Variants in GBE1 observed in about 807,000 individuals in gnomAD.
GBE1 encodes the protein 1,4-alpha-glucan-branching enzyme.
A neutral mutation model predicts 88.8 loss-of-function variants in GBE1; 70 were observed. The observed-to-expected ratio is 0.79, with a 90% CI of 0.65 to 0.96. The LOEUF (loss-of-function observed/expected upper bound fraction) is 0.96, where lower values mean the gene tolerates loss of function less well. GBE1 is among the 40% of genes least tolerant of loss of function. The pLI, the probability that GBE1 is intolerant of heterozygous loss-of-function variation, is 0.00. For missense variants in GBE1, 872 were observed against 871.0 expected, an observed-to-expected ratio of 1.00 and a Z score of -0.01; for synonymous variants, 284 against 300.1, an observed-to-expected ratio of 0.95 and a Z score of 0.56.
intron 12 of GBE1, among the ~76,000 whole-genome samples, chr3:81,548,785 G>A (rs1467881349): frequency 6.6e-6 from 1 of 150,690 alleles, no homozygotes; most frequent in Non-Finnish European, 1.5e-5. Flanking sequence ...AAATGTTTAT[G>A]ACTATCAAGC....
chr3:81,555,741 A>C (rs1703338645), intron 12 of GBE1, among the ~76,000 whole-genome samples: 1 of 152,138 alleles, frequency 6.6e-6, no homozygotes, highest in African/African-American at 2.4e-5. Flanking sequence ...TTGCCTACAG[A>C]AATTCTGTCC....
At position 81,490,387 on chromosome 3, in the gene GBE1, G is replaced by A. The variant is rs1702420939; in HGVS notation, c.*20C>T. ...AACAAAACACAAATCTGCATCTGGT[G>A]GAGCTGAAATCAGGCCTCTTCAATT... On this transcript the variant is annotated 3_prime_UTR_variant, in exon 16 of 16. Transcript: ENST00000429644. The A allele has an allele frequency of 6.2e-7, 1 of 1,601,514 alleles. No homozygotes were observed. Among genetic ancestry groups the A allele is most frequent in the African/African-American group, 1.3e-5 (1 of 74,724 alleles).
chr3:81,553,571 C>T (rs1310357969), intron 12 of GBE1, among the ~76,000 whole-genome samples: 2 of 143,304 alleles, frequency 1.4e-5, no homozygotes, highest in Non-Finnish European at 3.0e-5. Flanking sequence ...ATGTATTCCT[C>T]ATGGAAAATG....
At position 81,680,796 on chromosome 3, in the gene GBE1, A is replaced by G. The variant is rs73128710; in HGVS notation, c.314-9843T>C. ...AGTACCTGTATTAAAGGAATCCCAG[A>G]GAGCTCTCTTTCTGTCTCTTGGTCA... On this transcript the variant is annotated intron_variant, in intron 2 of 15. Transcript: ENST00000429644. Among the ~76,000 whole-genome samples, 1,286 of 152,352 alleles carry G rather than the reference A, an allele frequency of 8.4e-3. 10 individuals carry two copies. Among genetic ancestry groups the G allele is most frequent in the Middle Eastern group, 0.014 (4 of 294 alleles).
At position 81,642,959 on chromosome 3, in the gene GBE1, G is replaced by A. The variant is rs1217155813; in HGVS notation, c.814C>T (p.Leu272=). 6.2e-7 allele frequency: 1 copy of A among 1,611,932 alleles called. No individual in the cohort carries two copies. Among genetic ancestry groups the A allele is most frequent in the East Asian group, 2.2e-5 (1 of 44,736 alleles). Residue 272 remains leucine, a synonymous_variant, in exon 7 of 16, where the codon CTG becomes TTG. Transcript: ENST00000429644. ...CCCATGGAATGAGCTGTGTCTACCA[G>A]TTCTTGTAGCTCTTCAGGTGTTCCA... ...RYGTPEELQE[L]VDTAHSMGII... is the part of the protein sequence containing the mutation.
chr3:81,546,720 C>T (rs1488841788), intron 12 of GBE1, among the ~76,000 whole-genome samples: 3 of 151,460 alleles, frequency 2.0e-5, no homozygotes, highest in Non-Finnish European at 1.5e-5. Context: ...ATAATCCACC[C>T]CTTGTTTAGC....
intron 3 of GBE1, among the ~76,000 whole-genome samples, chr3:81,661,112 C>CT (rs1705023411): frequency 6.6e-6 from 1 of 151,084 alleles, no homozygotes; most frequent in Non-Finnish European, 1.5e-5. Flanking sequence ...AAGCATGAAA[C>CT]ATTTTTATTT....
intron 7 of GBE1, among the ~76,000 whole-genome samples, chr3:81,627,787 G>A (rs975462960): frequency 1.3e-5 from 2 of 149,390 alleles, no homozygotes; most frequent in African/African-American, 4.9e-5. Context: ...TATATTTGTT[G>A]TTGTTGTTGT....
chr3:81,693,136 T>C (rs1385495898), intron 2 of GBE1, among the ~76,000 whole-genome samples: 1 of 152,188 alleles, frequency 6.6e-6, no homozygotes, highest in Non-Finnish European at 1.5e-5. Flanking sequence ...AAAAAAGGTC[T>C]CATGTATCAT....
At chr3:81,646,630 T>A (rs1369699999) in intron 5 of GBE1, 148 bp from the exon 6 acceptor site, 2 of 565,962 alleles carry the variant, frequency 3.5e-6, no homozygotes, top group African/African-American at 3.9e-5. Flanking sequence ...TACTTTAACA[T>A]TTTTTTGTTT....
chr3:81,618,570 G>A (rs1704281821), intron 7 of GBE1, among the ~76,000 whole-genome samples: 1 of 152,088 alleles, frequency 6.6e-6, no homozygotes, highest in Non-Finnish European at 1.5e-5. Flanking sequence ...ATAGCAGTGA[G>A]AAGTTTCTTT....
At chr3:81,637,730 A>C (rs893654696) in intron 7 of GBE1, among the ~76,000 whole-genome samples, 30 of 152,116 alleles carry the variant, frequency 2.0e-4, no homozygotes, top group African/African-American at 7.2e-4. Flanking sequence ...ATGGTTGCTT[A>C]GTTTTTAAAT....
chr3:81,616,185 A>AT (rs1476115499), intron 7 of GBE1, among the ~76,000 whole-genome samples: 1 of 152,094 alleles, frequency 6.6e-6, no homozygotes, highest in Admixed American at 6.5e-5. Flanking sequence ...TTGTCATTTC[A>AT]TCATCTTAAC....
intron 12 of GBE1, among the ~76,000 whole-genome samples, chr3:81,556,120 T>G (rs1703344908): frequency 1.5e-5 from 1 of 66,742 alleles, no homozygotes; most frequent in African/African-American, 8.3e-5. Context: ...CCTAAACTTG[T>G]AAATTTCCAA....
intron 7 of GBE1, among the ~76,000 whole-genome samples, chr3:81,597,239 A>G (rs903881101): frequency 6.6e-6 from 1 of 151,764 alleles, no homozygotes; most frequent in Non-Finnish European, 1.5e-5. Context: ...AGAATCTCAT[A>G]AAAATATACA....
At chr3:81,581,915 C>T (rs1255582181) in intron 10 of GBE1, among the ~76,000 whole-genome samples, 1 of 152,000 alleles carries the variant, frequency 6.6e-6, no homozygotes, top group African/African-American at 2.4e-5. Context: ...TAATTGCTCT[C>T]CCTTAAGTAG....
intron 3 of GBE1, among the ~76,000 whole-genome samples, chr3:81,658,612 C>A (rs190087155): frequency 6.6e-6 from 1 of 152,284 alleles, no homozygotes; most frequent in African/African-American, 2.4e-5. Context: ...CCTAGTTCCC[C>A]TATCTTCTAG....
Position 81,490,089 on chromosome 3 carries a change from GA to G in GBE1, c.*317del, listed in dbSNP as rs1702417275. The G allele has an allele frequency of 7.4e-6, 2 of 269,010 alleles. 1 individual carries two copies. Among genetic ancestry groups the G allele is most frequent in the South Asian group, 1.2e-4 (2 of 16,998 alleles). 16.7% of individuals were successfully genotyped at this position (269,010 alleles called of 1,614,324 possible). Reference sequence around the variant, plus strand: ...CATACATGACAAATGATTCAAATTTGAATTTAAAAGGATCAAATAATTAGCC... The same window carrying G: ...CATACATGACAAATGATTCAAATTTGATTTAAAAGGATCAAATAATTAGCC... On this transcript the variant is annotated 3_prime_UTR_variant, in exon 16 of 16. Coordinates refer to ENST00000429644, the MANE Select transcript of GBE1 (RefSeq NM_000158.4).
intron 9 of GBE1, among the ~76,000 whole-genome samples, chr3:81,590,180 A>C (rs188766969): frequency 6.6e-6 from 1 of 152,208 alleles, no homozygotes; most frequent in East Asian, 1.9e-4. Flanking sequence ...AAAACAGTCT[A>C]TACAAAAAAT....
Sources: gnomAD v4.1 joint callset for allele counts (sites outside exome capture counted in the v4.1 genomes callset) on GRCh38, gnomAD v4.1.1 for gene constraint, MANE v1.5 for transcripts, NCBI Gene and HGNC (gene_info 2026-07-23, HGNC 2026-07-21) for gene names.